Variants in DNM1L observed in about 807,000 individuals in gnomAD.
DNM1L encodes dynamin 1L, also known as dynamin-1-like protein.
Under a neutral mutation model 92.8 loss-of-function variants are expected in DNM1L, and 33 were observed. The ratio of observed to expected loss-of-function variants is 0.36; its 90% CI spans 0.27 to 0.48. The LOEUF (loss-of-function observed/expected upper bound fraction) is 0.48. Among genes scored for constraint, DNM1L ranks in the 20% least tolerant of loss-of-function variants. The pLI is 0.99. For missense variants in DNM1L, 485 were observed against 888.8 expected, an observed-to-expected ratio of 0.55 and a Z score of 5.78; for synonymous variants, 284 against 305.0, an observed-to-expected ratio of 0.93 and a Z score of 0.72.
At chr12:32,711,122 A>G (rs1953108736) in intron 5 of DNM1L, 107 bp downstream of exon 5, 1 of 978,272 alleles carries the variant, frequency 1.0e-6, no homozygotes, top group Non-Finnish European at 1.6e-6. Flanking sequence ...TGTTAGCAGC[A>G]TTTGATAACG....
At chr12:32,689,401 TAGTC>T (rs1335981709) in intron 1 of DNM1L, among the ~76,000 whole-genome samples, 2 of 152,116 alleles carry the variant, frequency 1.3e-5, no homozygotes, top group Non-Finnish European at 2.9e-5. Context: ...TTCTCCATGT[TAGTC>T]AGTCTGGTCT....
At position 32,745,445 on chromosome 12, in the gene DNM1L, T is replaced by C. The variant is rs1955588235; in HGVS notation, c.*2035T>C. The C allele has an allele frequency of 6.4e-6, 1 of 156,662 alleles. No homozygotes were observed. Among genetic ancestry groups the C allele is most frequent in the African/African-American group, 2.4e-5 (1 of 41,464 alleles). The allele number at this position is 156,662 out of a possible 1,614,324, so 9.7% of individuals were successfully genotyped here. On this transcript the variant is annotated 3_prime_UTR_variant, in exon 20 of 20. Coordinates refer to ENST00000549701, the MANE Select transcript of DNM1L (RefSeq NM_012062.5). ...ACAACGGAAAGAGAAAAGCCTTCCTTTGTTGGCCCTTAAACTGAGTCAAGA... is the reference window on the plus strand; with the variant it reads ...ACAACGGAAAGAGAAAAGCCTTCCTCTGTTGGCCCTTAAACTGAGTCAAGA...
In DNM1L at chr12:32,688,408, GTTTC is replaced by G. The variant is rs1952109709; in HGVS notation, c.102+8947_102+8950del. On this transcript the variant is annotated intron_variant, in intron 1 of 19. Transcript: ENST00000549701. ...TATCTTACTGCCTCTGGCTCCTATGGTTTCTTTTCTCTTTTCTTTCTTTGAAAAC... is the reference window on the plus strand; with the variant it reads ...TATCTTACTGCCTCTGGCTCCTATGGTTTTCTCTTTTCTTTCTTTGAAAAC... Among the ~76,000 whole-genome samples the G allele has an allele frequency of 2.0e-5, 3 of 152,194 alleles. No homozygotes were observed. In the South Asian group the frequency reaches 6.2e-4, roughly 32 times the overall value.
chr12:32,742,494 C>CTTACT, intron 18 of DNM1L, 95 bp from the exon 19 acceptor site: 1 of 1,452,730 alleles, frequency 6.9e-7, no homozygotes, highest in South Asian at 1.2e-5. Flanking sequence ...TAGTAGTGTT[C>CTTACT]TTACTTAACT....
At chr12:32,717,359 A>AC (rs1953477165) in intron 6 of DNM1L, among the ~76,000 whole-genome samples, 1 of 72,560 alleles carries the variant, frequency 1.4e-5, no homozygotes. Flanking sequence ...TATATATAGT[A>AC]TATATAATAT....
chr12:32,732,623 G>A (rs2137532224), intron 12 of DNM1L: 1 of 453,940 alleles, frequency 2.2e-6, no homozygotes, highest in East Asian at 7.0e-5. Context: ...AAGTGCTGCT[G>A]CTTGGTTGTT....
At chr12:32,703,474 A>G (rs1346710010) in intron 2 of DNM1L, among the ~76,000 whole-genome samples, 1 of 152,194 alleles carries the variant, frequency 6.6e-6, no homozygotes, top group Non-Finnish European at 1.5e-5. Flanking sequence ...AGAATAAACA[A>G]TTCTAGCATA....
intron 1 of DNM1L, among the ~76,000 whole-genome samples, chr12:32,696,383 AACACACACAC>A (rs58224525): frequency 3.3e-4 from 48 of 145,118 alleles, no homozygotes; most frequent in African/African-American, 4.8e-4. Flanking sequence ...CACACACACA[AACACACACAC>A]ACACACACAC....
intron 1 of DNM1L, among the ~76,000 whole-genome samples, chr12:32,689,461 TTACAGGC>T (rs1952147411): frequency 6.6e-6 from 1 of 152,166 alleles, no homozygotes; most frequent in Non-Finnish European, 1.5e-5. Context: ...AGTGCTGGGA[TTACAGGC>T]ATGAGCCACT....
chr12:32,737,387 TATTTAAGC>T, intron 14 of DNM1L: 3 of 374,480 alleles, frequency 8.0e-6, no homozygotes, highest in Non-Finnish European at 9.4e-6. Context: ...TTTAAGCATT[TATTTAAGC>T]ATTTAAGCAT....
At chr12:32,722,393 T>G (rs1295790231) in intron 8 of DNM1L, 34 bp from the exon 9 acceptor site, 1 of 1,588,256 alleles carries the variant, frequency 6.3e-7, no homozygotes, top group Non-Finnish European at 8.6e-7. Flanking sequence ...TACACAATTT[T>G]ACTTTTAAAT....
At position 32,738,417 on chromosome 12, in the gene DNM1L, C is replaced by G. The variant is rs938285075; in HGVS notation, c.1707+121C>G. 8.4e-6 allele frequency: 9 copies of G among 1,070,926 alleles called. No homozygotes were observed. The African/African-American group carries it at 1.4e-4, about 17-fold the overall frequency. 66.3% of individuals were successfully genotyped at this position (1,070,926 alleles called of 1,614,324 possible). A position where few individuals can be genotyped will look rare whatever the true frequency, so the allele number is the denominator to read the frequency against. ...ATCTATCTCTTGTCTGTGTTATGTT[C>G]TTAATGTTCCTTTTATCTAACCTGT... On this transcript the variant is annotated intron_variant, in intron 16 of 19. Coordinates refer to ENST00000549701, the MANE Select transcript of DNM1L (RefSeq NM_012062.5).
At chr12:32,725,909 G>GT (rs1401367200) in intron 9 of DNM1L, among the ~76,000 whole-genome samples, 5 of 144,332 alleles carry the variant, frequency 3.5e-5, no homozygotes, top group Non-Finnish European at 6.1e-5. Context: ...CTGGCATGCC[G>GT]GTTTTTTTTT....
intron 4 of DNM1L, 30 bp downstream of exon 4, chr12:32,708,254 A>T: frequency 7.5e-7 from 1 of 1,324,636 alleles, no homozygotes; most frequent in Non-Finnish European, 1.1e-6. Context: ...TAGAAGGCAT[A>T]AGCATCAGTA....
At chr12:32,737,415 T>TA (rs1954967880) in intron 14 of DNM1L, 2 of 465,828 alleles carry the variant, frequency 4.3e-6, no homozygotes, top group Non-Finnish European at 3.9e-6. Flanking sequence ...TCAAGCTTTT[T>TA]AAAAAAATTC....
intron 6 of DNM1L, 150 bp from the exon 7 acceptor site, chr12:32,718,493 A>G: frequency 1.0e-6 from 1 of 958,918 alleles, no homozygotes; most frequent in Non-Finnish European, 1.6e-6. Flanking sequence ...TTAAAAAAGC[A>G]CTGGTAAGTA....
intron 13 of DNM1L, 89 bp from the exon 14 acceptor site, chr12:32,737,016 T>C: frequency 7.5e-7 from 1 of 1,326,006 alleles, no homozygotes; most frequent in Non-Finnish European, 1.1e-6. Context: ...TGTAAGTTAC[T>C]CCACACTTTT....
intron 15 of DNM1L, 142 bp from the exon 16 acceptor site, chr12:32,738,122 G>A (rs1592682296): frequency 9.0e-7 from 1 of 1,113,186 alleles, no homozygotes; most frequent in East Asian, 2.6e-5. Context: ...TTATATTGTT[G>A]ACATGCTTTT....
rs896161630 is a variant in DNM1L at position 32,743,244 on chromosome 12, T to C, written c.2155-110T>C. ...AGAGAAGATATTGGTTAGTATAAAC[T>C]GGTTAGTTATAAACCTACCACATAT... On this transcript the variant is annotated intron_variant, in intron 19 of 19. Coordinates refer to ENST00000549701, the MANE Select transcript of DNM1L (RefSeq NM_012062.5). 1.2e-4 allele frequency: 116 copies of C among 935,366 alleles called. No individual in the cohort carries two copies. The African/African-American group carries it at 1.8e-3, about 15-fold the overall frequency. 57.9% of individuals were successfully genotyped at this position (935,366 alleles called of 1,614,324 possible).
Sources: allele counts gnomAD v4.1 joint callset (sites outside exome capture counted in the v4.1 genomes callset), GRCh38; gene constraint gnomAD v4.1.1; transcripts MANE v1.5; gene names NCBI Gene and HGNC (gene_info 2026-07-23, HGNC 2026-07-21).